The following LRRC58 variants were observed in gnomAD, a reference collection of about 807,000 sequenced individuals.
The protein encoded by LRRC58 is leucine rich repeat containing 58.
A neutral mutation model predicts 30.6 loss-of-function variants in LRRC58; 18 were observed. The ratio of observed to expected loss-of-function variants is 0.59; its 90% CI spans 0.41 to 0.87. LRRC58 has a LOEUF of 0.87. LRRC58 is among the 40% of genes least tolerant of loss of function. LRRC58 has a pLI of 0.00. For missense variants in LRRC58, 420 were observed against 468.4 expected (o/e 0.90, Z 0.95); for synonymous variants, 221 against 206.0 (o/e 1.07, Z -0.62).
chr3:120,344,282 A>G (rs1437827342), intron 1 of LRRC58, among the ~76,000 whole-genome samples: 1 of 152,296 alleles, frequency 6.6e-6, no homozygotes, highest in East Asian at 1.9e-4. Context: ...AACATACACC[A>G]CAGGATTATA....
At chr3:120,333,642 C>T (rs1935791726) in intron 3 of LRRC58, among the ~76,000 whole-genome samples, 1 of 152,224 alleles carries the variant, frequency 6.6e-6, no homozygotes, top group South Asian at 2.1e-4. Flanking sequence ...AGCATTTCCT[C>T]AGTACCTACT....
chr3:120,331,620 TC>T (rs551319312), intron 3 of LRRC58, among the ~76,000 whole-genome samples: 153 of 152,300 alleles, frequency 1.0e-3, no homozygotes, highest in African/African-American at 3.4e-3. Context: ...AGGACATTTA[TC>T]TTAAAGGGAG....
chr3:120,331,261 GA>G lies in LRRC58; in HGVS notation c.1054del (p.Ser352LeufsTer28). On this transcript the variant is annotated frameshift_variant, in exon 4 of 4. Coordinates refer to ENST00000295628, the MANE Select transcript of LRRC58 (RefSeq NM_001099678.2). LOFTEE classifies it high-confidence loss of function. ...AACACTAGCTTCATCTTCTGAGTCA[GA>G]TTCACTCTGGGAAGTGGAGCTGTGA... Reference protein sequence around the residue: ...ASHSSTSQSESDSEDEASVAA... With the variant: ...ASHSSTSQSEXDSEDEASVAA... 6.2e-7 allele frequency: 1 copy of G among 1,613,998 alleles called. No homozygotes were observed. The highest frequency in any genetic ancestry group is 8.5e-7 in the Non-Finnish European group (1 of 1,179,868).
intron 1 of LRRC58, among the ~76,000 whole-genome samples, chr3:120,339,984 C>A (rs1054517378): frequency 6.6e-6 from 1 of 152,126 alleles, no homozygotes; most frequent in Non-Finnish European, 1.5e-5. Flanking sequence ...CCTCAGCCTC[C>A]CGAGTAGTTG....
At position 120,326,919 on chromosome 3, in the gene LRRC58, A is replaced by G. The variant is rs1302946909; in HGVS notation, c.*4281T>C. The G allele has an allele frequency of 6.6e-6, 1 of 152,242 alleles. No homozygotes were observed. Among genetic ancestry groups the G allele is most frequent in the Non-Finnish European group, 1.5e-5 (1 of 68,042 alleles). 9.4% of individuals were successfully genotyped at this position (152,242 alleles called of 1,614,324 possible). On this transcript the variant is annotated 3_prime_UTR_variant, in exon 4 of 4. Coordinates refer to ENST00000295628, the MANE Select transcript of LRRC58 (RefSeq NM_001099678.2). Reference sequence around the variant, plus strand: ...GCTGTGTGTTTTTTCTTTTTTACATAGTGAAAAGGTAAACATTAACCAAGG... The same window carrying G: ...GCTGTGTGTTTTTTCTTTTTTACATGGTGAAAAGGTAAACATTAACCAAGG...
At position 120,329,825 on chromosome 3, in the gene LRRC58, CACTT is replaced by C. The variant is rs1935729610; in HGVS notation, c.*1371_*1374del. 1.3e-5 allele frequency: 2 copies of C among 152,090 alleles called. No homozygotes were observed. The highest frequency in any genetic ancestry group is 1.3e-4 in the Admixed American group (2 of 15,278). The allele number at this position is 152,090 out of a possible 1,614,324, so 9.4% of individuals were successfully genotyped here. On this transcript the variant is annotated 3_prime_UTR_variant, in exon 4 of 4. Coordinates refer to ENST00000295628, the MANE Select transcript of LRRC58 (RefSeq NM_001099678.2). The stretch of plus-strand genomic sequence containing the variant: ...TAGTTATTTAATGATTACCAGTAAG[CACTT>C]ACTTTATATCAACTTATAGTTGTAC...
rs1286847083 is a variant in LRRC58, at chr3:120,331,283, T to C, written c.1033A>G (p.Ser345Gly). ...TCAGATTCACTCTGGGAAGTGGAGCTGTGAGAGGCAGAACTGCAAGGGGAA... is the reference window on the plus strand; with the variant it reads ...TCAGATTCACTCTGGGAAGTGGAGCCGTGAGAGGCAGAACTGCAAGGGGAA... ...CSSPCSSASH[S>G]STSQSESDSE... is the part of the protein sequence containing the mutation. The change falls in exon 4 of 4, where the codon AGC becomes GGC. Residue 345 changes from serine (S) to glycine (G), a missense_variant. By Grantham distance (56) the Ser-to-Gly change is moderately conservative (BLOSUM62 0). This residue lies in a region of LRRC58 where 154 missense variants were observed against 216.8 expected (regional missense o/e 0.71). Coordinates refer to ENST00000295628, the MANE Select transcript of LRRC58 (RefSeq NM_001099678.2). 1 of 1,613,884 alleles carries C rather than the reference T, an allele frequency of 6.2e-7. No homozygotes were observed. Among genetic ancestry groups the C allele is most frequent in the African/African-American group, 1.3e-5 (1 of 74,924 alleles).
At chr3:120,348,653 C>T (rs1936007851) in intron 1 of LRRC58, 91 bp downstream of exon 1, 4 of 1,373,082 alleles carry the variant, frequency 2.9e-6, no homozygotes, top group Admixed American at 2.9e-5. Context: ...GAAATAGTTA[C>T]GTGACAAACG....
intron 1 of LRRC58, among the ~76,000 whole-genome samples, chr3:120,343,089 T>G (rs1485110088): frequency 6.6e-6 from 1 of 152,228 alleles, no homozygotes; most frequent in Non-Finnish European, 1.5e-5. Flanking sequence ...ATGCAAAACA[T>G]TAGTAGTTAC....
At position 120,324,653 on chromosome 3, in the gene LRRC58, A is replaced by G. The variant is rs1246466106; in HGVS notation, c.*6547T>C. ...AAGGCACAATGTTTGATATGGCAAAATTCACAGAGGATTGGTTAATATAAG... is the reference window on the plus strand; with the variant it reads ...AAGGCACAATGTTTGATATGGCAAAGTTCACAGAGGATTGGTTAATATAAG... On this transcript the variant is annotated 3_prime_UTR_variant, in exon 4 of 4. Coordinates refer to ENST00000295628, the MANE Select transcript of LRRC58 (RefSeq NM_001099678.2). The G allele has an allele frequency of 6.6e-6, 1 of 152,212 alleles. No homozygotes were observed. Among genetic ancestry groups the G allele is most frequent in the African/African-American group, 2.4e-5 (1 of 41,460 alleles). 9.4% of individuals were successfully genotyped at this position (152,212 alleles called of 1,614,324 possible).
intron 1 of LRRC58, among the ~76,000 whole-genome samples, chr3:120,344,576 T>A (rs1310577298): frequency 6.6e-6 from 1 of 152,204 alleles, no homozygotes; most frequent in Non-Finnish European, 1.5e-5. Flanking sequence ...CACCCTCCTA[T>A]CTCAATCTTT....
intron 1 of LRRC58, among the ~76,000 whole-genome samples, chr3:120,345,850 A>G (rs2107627814): frequency 6.6e-6 from 1 of 152,380 alleles, no homozygotes; most frequent in South Asian, 2.1e-4. Flanking sequence ...CACAATGAAC[A>G]ATAAACACAG....
In LRRC58 at chr3:120,327,299, G is replaced by A. The variant is rs1214313384; in HGVS notation, c.*3901C>T. 2.1e-5 allele frequency: 3 copies of A among 140,540 alleles called. No homozygotes were observed. Among genetic ancestry groups the A allele is most frequent in the Admixed American group, 7.3e-5 (1 of 13,638 alleles). The allele number at this position is 140,540 out of a possible 1,614,324, so 8.7% of individuals were successfully genotyped here. A position where few individuals can be genotyped will look rare whatever the true frequency, so the allele number is the denominator to read the frequency against. On this transcript the variant is annotated 3_prime_UTR_variant, in exon 4 of 4. Coordinates refer to ENST00000295628, the MANE Select transcript of LRRC58 (RefSeq NM_001099678.2). The stretch of plus-strand genomic sequence containing the variant: ...CGGAGTCTCGCTCTGTGGCCCAGGC[G>A]GGAGTGCAGTGGCGCAATCTCGGCT...
chr3:120,344,354 C>A (rs1053135835), intron 1 of LRRC58, among the ~76,000 whole-genome samples: 2 of 152,080 alleles, frequency 1.3e-5, no homozygotes, highest in African/African-American at 4.8e-5. Flanking sequence ...ACACTTGCCC[C>A]AAATTAAGGC....
At chr3:120,335,686 CCTCAGAA>C in intron 2 of LRRC58, 132 bp downstream of exon 2, 1 of 712,738 alleles carries the variant, frequency 1.4e-6, no homozygotes, top group Non-Finnish European at 2.2e-6. Context: ...TTGCAGCAAA[CCTCAGAA>C]CTATAATTAA....
At position 120,348,687 on chromosome 3, in the gene LRRC58, C is replaced by G. The variant is rs900320810; in HGVS notation, c.500+57G>C. 5.4e-6 allele frequency: 8 copies of G among 1,482,608 alleles called. No homozygotes were observed. In the African/African-American group the frequency reaches 1.0e-4, roughly 19 times the overall value. The allele number at this position is 1,482,608 out of a possible 1,614,324, so 91.8% of individuals were successfully genotyped here. Reference sequence around the variant, plus strand: ...CGTTGAGGTGCCCAGGCCCGGCGCCCCAGGGTTCCCGGACACCGCCCGAGG... The same window carrying G: ...CGTTGAGGTGCCCAGGCCCGGCGCCGCAGGGTTCCCGGACACCGCCCGAGG... On this transcript the variant is annotated intron_variant, in intron 1 of 3. Coordinates refer to ENST00000295628, the MANE Select transcript of LRRC58 (RefSeq NM_001099678.2).
chr3:120,331,049 T>C lies in LRRC58; in HGVS notation c.*151A>G. 1 of 642,538 alleles carries C rather than the reference T, an allele frequency of 1.6e-6. No homozygotes were observed. The allele number at this position is 642,538 out of a possible 1,614,324, so 39.8% of individuals were successfully genotyped here. ...ACTGGACTCATTCTTGCTGAATGGGTAGATGAAACACAAAATGTTTTATAT... is the reference window on the plus strand; with the variant it reads ...ACTGGACTCATTCTTGCTGAATGGGCAGATGAAACACAAAATGTTTTATAT... On this transcript the variant is annotated 3_prime_UTR_variant, in exon 4 of 4. Transcript: ENST00000295628.
chr3:120,338,204 C>T (rs1935860050), intron 1 of LRRC58, among the ~76,000 whole-genome samples: 1 of 152,152 alleles, frequency 6.6e-6, no homozygotes, highest in South Asian at 2.1e-4. Flanking sequence ...ATCAACACTG[C>T]TTACCAGTTT....
rs1008181331 is a variant in LRRC58, at chr3:120,330,498, T to C, written c.*702A>G. The C allele has an allele frequency of 3.9e-5, 6 of 152,286 alleles. No homozygotes were observed. In the East Asian group the frequency reaches 1.2e-3, roughly 29 times the overall value. 9.4% of individuals were successfully genotyped at this position (152,286 alleles called of 1,614,324 possible). A position where few individuals can be genotyped will look rare whatever the true frequency, so the allele number is the denominator to read the frequency against. ...ACTTCTTGAATACATTTTTATATCC[T>C]TGCTGGATTAAGGCACTATAACAGT... On this transcript the variant is annotated 3_prime_UTR_variant, in exon 4 of 4. Transcript: ENST00000295628.
Sources: allele counts gnomAD v4.1 joint callset (sites outside exome capture counted in the v4.1 genomes callset), GRCh38; gene constraint gnomAD v4.1.1; regional missense constraint gnomAD v4.1.1; transcripts MANE v1.5; gene names NCBI Gene and HGNC (gene_info 2026-07-23, HGNC 2026-07-21).